COG5: variants seen among roughly 807,000 people sequenced by gnomAD.
COG5 encodes conserved oligomeric Golgi complex subunit 5.
COG5 carries 86 observed loss-of-function variants against 110.4 expected under a neutral mutation model. The ratio of observed to expected loss-of-function variants is 0.78; its 90% CI spans 0.65 to 0.93. COG5 has a LOEUF of 0.93. Ranked by LOEUF, COG5 falls within the 40% of genes least tolerant of loss-of-function variation. The probability of loss-of-function intolerance (pLI) is 0.00; values close to 1 mark genes in which losing one functional copy is unlikely to be tolerated. For missense variants in COG5, 1,077 were observed against 987.0 expected, an observed-to-expected ratio of 1.09 and a Z score of -1.22; for synonymous variants, 360 against 334.6, an observed-to-expected ratio of 1.08 and a Z score of -0.83.
At chr7:107,434,019 A>C (rs1794198512) in intron 6 of COG5, among the ~76,000 whole-genome samples, 1 of 152,214 alleles carries the variant, frequency 6.6e-6, no homozygotes, top group Non-Finnish European at 1.5e-5. Context: ...ACATTTCTCT[A>C]AAGATGAGAG....
chr7:107,478,505 TAAAC>T (rs1427623543), intron 6 of COG5, among the ~76,000 whole-genome samples: 2 of 151,968 alleles, frequency 1.3e-5, no homozygotes, highest in African/African-American at 2.4e-5. Flanking sequence ...ATTCCAGAAA[TAAAC>T]AATTTATAAG....
At chr7:107,414,532 C>T (rs536324331) in intron 6 of COG5, among the ~76,000 whole-genome samples, 2 of 151,990 alleles carry the variant, frequency 1.3e-5, no homozygotes, top group Non-Finnish European at 2.9e-5. Context: ...TTTTACTAGG[C>T]TTTCAATATT....
chr7:107,348,007 T>C (rs561800901), intron 10 of COG5, among the ~76,000 whole-genome samples: 3 of 150,000 alleles, frequency 2.0e-5, no homozygotes, highest in East Asian at 4.0e-4. Context: ...ACACCTGTAG[T>C]CCCAGCTACT....
intron 10 of COG5, among the ~76,000 whole-genome samples, chr7:107,346,679 CA>C (rs1437512890): frequency 6.6e-6 from 1 of 152,076 alleles, no homozygotes; most frequent in East Asian, 1.9e-4. Flanking sequence ...TCTAACACCA[CA>C]TAAACAGGAG....
At chr7:107,548,511 C>A (rs969997615) in intron 3 of COG5, among the ~76,000 whole-genome samples, 179 bp from the exon 4 acceptor site, 1 of 152,172 alleles carries the variant, frequency 6.6e-6, no homozygotes, top group Non-Finnish European at 1.5e-5. Flanking sequence ...TGGTCTCCCC[C>A]TCCAATCTTT....
At chr7:107,395,326 T>TAGAA (rs139659911) in intron 7 of COG5, among the ~76,000 whole-genome samples, 1 of 151,320 alleles carries the variant, frequency 6.6e-6, no homozygotes, top group African/African-American at 2.4e-5. Flanking sequence ...TGGTGGGAAG[T>TAGAA]AGAAAGAAAG....
chr7:107,298,474 C>T, intron 11 of COG5, 128 bp from the exon 12 acceptor site: 1 of 589,328 alleles, frequency 1.7e-6, no homozygotes, highest in Non-Finnish European at 2.9e-6. Flanking sequence ...CTAATGAGGC[C>T]TTTTATAATA....
intron 7 of COG5, 71 bp downstream of exon 7, chr7:107,412,431 A>G: frequency 6.9e-7 from 1 of 1,457,164 alleles, no homozygotes; most frequent in East Asian, 2.3e-5. Context: ...TACTTTTTTG[A>G]ACTCAAAGTC....
At chr7:107,534,558 C>A (rs548919093) in intron 5 of COG5, among the ~76,000 whole-genome samples, 3 of 149,396 alleles carry the variant, frequency 2.0e-5, no homozygotes, top group South Asian at 4.2e-4. Flanking sequence ...CAACAAAGAT[C>A]AAAAAAGACA....
chr7:107,352,411 G>C (rs531546508), intron 10 of COG5, among the ~76,000 whole-genome samples: 1 of 147,382 alleles, frequency 6.8e-6, no homozygotes, highest in East Asian at 2.0e-4. Context: ...TATACATATG[G>C]AACAAACCTG....
intron 12 of COG5, among the ~76,000 whole-genome samples, chr7:107,296,305 A>G (rs1249357480): frequency 6.6e-6 from 1 of 152,130 alleles, no homozygotes; most frequent in Non-Finnish European, 1.5e-5. Flanking sequence ...TTTGCTTTGT[A>G]TATTTCTAGA....
At chr7:107,242,726 GT>G (rs1387968974) in intron 17 of COG5, among the ~76,000 whole-genome samples, 1 of 152,178 alleles carries the variant, frequency 6.6e-6, no homozygotes, top group Non-Finnish European at 1.5e-5. Flanking sequence ...CCCACTGCTT[GT>G]CACCAGGAGA....
intron 6 of COG5, among the ~76,000 whole-genome samples, chr7:107,501,674 G>C (rs1482423588): frequency 6.6e-6 from 1 of 152,028 alleles, no homozygotes. Context: ...TTTAAAAAAG[G>C]TTTGTGTGCT....
intron 14 of COG5, among the ~76,000 whole-genome samples, chr7:107,276,712 G>A (rs1804729428): frequency 6.6e-6 from 1 of 151,972 alleles, no homozygotes; most frequent in Non-Finnish European, 1.5e-5. Context: ...TCTTCTAAAG[G>A]TCACATTTCA....
intron 14 of COG5, among the ~76,000 whole-genome samples, chr7:107,270,986 G>A (rs935199769): frequency 2.1e-5 from 3 of 140,428 alleles, no homozygotes; most frequent in Non-Finnish European, 4.5e-5. Flanking sequence ...TCAGTTTGCT[G>A]GGATTTACAG....
At chr7:107,335,205 G>A (rs1455609469) in intron 10 of COG5, among the ~76,000 whole-genome samples, 1 of 152,012 alleles carries the variant, frequency 6.6e-6, no homozygotes, top group East Asian at 1.9e-4. Context: ...GCCTGGCCAA[G>A]ATGGTGAAAC....
Position 107,248,401 on chromosome 7 carries a change from A to G in COG5, c.1848T>C (p.Phe616=). 6.2e-7 allele frequency: 1 copy of G among 1,603,382 alleles called. No individual in the cohort carries two copies. The highest frequency in any genetic ancestry group is 8.5e-7 in the Non-Finnish European group (1 of 1,170,532). ...AIIITMHQED[F]SGSLSSSGKP... ...ATTTGGTTAGAAGTAATTACCCAGA[A>G]AAGTCTTCTTGATGCATGGTGATGA... Residue 616 remains phenylalanine, a synonymous_variant, in exon 17 of 22, where the codon TTT becomes TTC. Coordinates refer to ENST00000297135, the MANE Select transcript of COG5 (RefSeq NM_006348.5).
chr7:107,358,050 G>A (rs1212463438), intron 10 of COG5, among the ~76,000 whole-genome samples: 9 of 152,104 alleles, frequency 5.9e-5, no homozygotes, highest in African/African-American at 2.2e-4. Context: ...GAATTTATAT[G>A]TGTTTTTATG....
At chr7:107,489,509 C>T (rs1797857759) in intron 6 of COG5, among the ~76,000 whole-genome samples, 1 of 152,130 alleles carries the variant, frequency 6.6e-6, no homozygotes, top group Non-Finnish European at 1.5e-5. Flanking sequence ...TTACAGAAGT[C>T]TGATCCCCAT....
Sources: gnomAD v4.1 joint callset for allele counts (sites outside exome capture counted in the v4.1 genomes callset) on GRCh38, gnomAD v4.1.1 for gene constraint, MANE v1.5 for transcripts, NCBI Gene and HGNC (gene_info 2026-07-23, HGNC 2026-07-21) for gene names.